Variants in TAS2R1 observed in about 807,000 individuals in gnomAD.
TAS2R1 encodes taste 2 receptor member 1.
For synonymous variants in TAS2R1, 141 were observed against 134.2 expected, an observed-to-expected ratio of 1.05 and a Z score of -0.35; for missense variants, 370 against 353.4, an observed-to-expected ratio of 1.05 and a Z score of -0.38.
chr5:9,896,908 C>A, the TAS2R1 span, among the ~76,000 whole-genome samples: 4 of 152,186 alleles, frequency 2.6e-5, no homozygotes, highest in African/African-American at 7.2e-5. Context: ...AGGGAGACAA[C>A]AATTTGGCTC....
chr5:9,824,090 G>A, the TAS2R1 span, among the ~76,000 whole-genome samples: 1 of 152,286 alleles, frequency 6.6e-6, no homozygotes, highest in East Asian at 1.9e-4. Flanking sequence ...TAGGGCACAG[G>A]CACTGCCAAA....
the TAS2R1 span, among the ~76,000 whole-genome samples, chr5:9,838,187 T>C: frequency 6.6e-6 from 1 of 152,164 alleles, no homozygotes; most frequent in Admixed American, 6.5e-5. Flanking sequence ...TTTCTGACTT[T>C]CCAGGTCTGG....
At chr5:9,670,283 A>C (rs1179714932) in intron 1 of TAS2R1, among the ~76,000 whole-genome samples, 1 of 152,170 alleles carries the variant, frequency 6.6e-6, no homozygotes, top group Non-Finnish European at 1.5e-5. Flanking sequence ...ACATTTTTTA[A>C]GTTTGGCCTA....
At chr5:9,866,203 T>C in the TAS2R1 span, among the ~76,000 whole-genome samples, 25 of 152,326 alleles carry the variant, frequency 1.6e-4, no homozygotes, top group African/African-American at 5.8e-4. Context: ...CAATTTCATT[T>C]ATTTTTATTT....
the TAS2R1 span, among the ~76,000 whole-genome samples, chr5:9,721,433 TAA>T: frequency 2.6e-5 from 4 of 152,324 alleles, no homozygotes; most frequent in East Asian, 7.7e-4. Flanking sequence ...TGGCCAATCC[TAA>T]GTCACAGCAT....
chr5:9,735,079 G>A, the TAS2R1 span, among the ~76,000 whole-genome samples: 1 of 151,384 alleles, frequency 6.6e-6, no homozygotes, highest in Admixed American at 6.6e-5. Flanking sequence ...GCGTCTTCAC[G>A]TGGTGACAGG....
chr5:9,888,504 A>G, the TAS2R1 span, among the ~76,000 whole-genome samples: 1 of 152,194 alleles, frequency 6.6e-6, no homozygotes, highest in Non-Finnish European at 1.5e-5. Flanking sequence ...TTTAAAAATT[A>G]ATCAATCCGT....
the TAS2R1 span, among the ~76,000 whole-genome samples, chr5:9,754,951 A>G: frequency 3.3e-5 from 5 of 152,240 alleles, no homozygotes; most frequent in African/African-American, 1.2e-4. Flanking sequence ...TCCTAAGCCA[A>G]AAGAACAAAG....
At chr5:9,681,068 T>A (rs1007595790) in intron 1 of TAS2R1, among the ~76,000 whole-genome samples, 2 of 151,488 alleles carry the variant, frequency 1.3e-5, no homozygotes, top group African/African-American at 2.4e-5. Flanking sequence ...TCTCAATCAA[T>A]CAATCAATAT....
chr5:9,760,278 C>T, the TAS2R1 span, among the ~76,000 whole-genome samples: 154 of 152,264 alleles, frequency 1.0e-3, 1 homozygote, highest in African/African-American at 3.2e-3. Flanking sequence ...TAAAGAAGAA[C>T]TAATACCAAT....
At chr5:9,896,765 C>G in the TAS2R1 span, among the ~76,000 whole-genome samples, 1 of 152,118 alleles carries the variant, frequency 6.6e-6, no homozygotes, top group Admixed American at 6.5e-5. Context: ...AGGCAAGGAC[C>G]TCATTTGCCA....
chr5:9,635,060 C>G (rs751642978), upstream of TAS2R1, among the ~76,000 whole-genome samples: 6 of 152,006 alleles, frequency 3.9e-5, no homozygotes, highest in Non-Finnish European at 8.8e-5. Flanking sequence ...TTTTCTCATT[C>G]AATATAATGT....
chr5:9,744,991 A>T, the TAS2R1 span, among the ~76,000 whole-genome samples: 1 of 152,212 alleles, frequency 6.6e-6, no homozygotes, highest in African/African-American at 2.4e-5. Flanking sequence ...TCATCTTACA[A>T]GGTTTATAGT....
chr5:9,707,339 G>A (rs117481943), intron 1 of TAS2R1, among the ~76,000 whole-genome samples: 1 of 152,282 alleles, frequency 6.6e-6, no homozygotes, highest in East Asian at 1.9e-4. Flanking sequence ...AGGGAACAAA[G>A]GCAGGCTACG....
the TAS2R1 span, among the ~76,000 whole-genome samples, chr5:9,855,638 A>G: frequency 6.6e-6 from 1 of 152,250 alleles, no homozygotes; most frequent in Non-Finnish European, 1.5e-5. Flanking sequence ...GCCAGACTGG[A>G]GAGAGATGCC....
the TAS2R1 span, among the ~76,000 whole-genome samples, chr5:9,874,514 C>A: frequency 6.6e-6 from 1 of 152,172 alleles, no homozygotes; most frequent in African/African-American, 2.4e-5. Flanking sequence ...GATCCTATTT[C>A]ATTTTCTGGG....
the TAS2R1 span, among the ~76,000 whole-genome samples, chr5:9,816,434 T>C: frequency 2.0e-5 from 3 of 151,682 alleles, no homozygotes; most frequent in Non-Finnish European, 2.9e-5. Flanking sequence ...AGAAAAAAAA[T>C]GAAAAATTAC....
the TAS2R1 span, among the ~76,000 whole-genome samples, chr5:9,847,384 T>C: frequency 6.6e-6 from 1 of 152,202 alleles, no homozygotes; most frequent in African/African-American, 2.4e-5. Flanking sequence ...ATACCTAACT[T>C]CTAGATCCCT....
intron 1 of TAS2R1, among the ~76,000 whole-genome samples, chr5:9,678,454 T>C (rs898410598): frequency 6.6e-6 from 1 of 152,164 alleles, no homozygotes; most frequent in Non-Finnish European, 1.5e-5. Flanking sequence ...GGAATATAGA[T>C]CATTCTATCA....
Sources: allele counts gnomAD v4.1 joint callset (sites outside exome capture counted in the v4.1 genomes callset), GRCh38; gene constraint gnomAD v4.1.1; transcripts MANE v1.5; gene names NCBI Gene and HGNC (gene_info 2026-07-23, HGNC 2026-07-21).